SMURF1: variants seen among roughly 807,000 people sequenced by gnomAD.
The protein encoded by SMURF1 is E3 ubiquitin-protein ligase SMURF1.
In SMURF1, 44 loss-of-function variants were observed where a neutral mutation model predicts 98.0. That is an observed-to-expected ratio of 0.45 (90% CI 0.35 to 0.58). SMURF1 has a LOEUF of 0.58. SMURF1 is among the 20% of genes least tolerant of loss of function. The probability of loss-of-function intolerance (pLI) is 0.00; values close to 1 mark genes in which losing one functional copy is unlikely to be tolerated. For missense variants in SMURF1, 687 were observed against 938.4 expected (o/e 0.73, Z 3.50); for synonymous variants, 396 against 374.9 (o/e 1.06, Z -0.65).
rs957783879 is a variant in SMURF1, at chr7:99,030,039, A to G, written c.*545T>C. ...CAGAATTCCAATAAGCATACATTAT[A>G]TAGTTATTTTCCAGTTGGAAATTGA... On this transcript the variant is annotated 3_prime_UTR_variant, in exon 18 of 18. Coordinates refer to ENST00000361368, the MANE Select transcript of SMURF1 (RefSeq NM_181349.3). 6.5e-6 allele frequency: 1 copy of G among 153,416 alleles called. No individual in the cohort carries two copies. The highest frequency in any genetic ancestry group is 1.5e-5 in the Non-Finnish European group (1 of 68,794). The allele number at this position is 153,416 out of a possible 1,614,324, so 9.5% of individuals were successfully genotyped here. A position where few individuals can be genotyped will look rare whatever the true frequency, so the allele number is the denominator to read the frequency against.
At chr7:99,085,573 A>G (rs1402921710) in intron 1 of SMURF1, among the ~76,000 whole-genome samples, 2 of 152,192 alleles carry the variant, frequency 1.3e-5, no homozygotes, top group African/African-American at 2.4e-5. Flanking sequence ...CGCTGCATTT[A>G]TCATACTCAA....
intron 1 of SMURF1, among the ~76,000 whole-genome samples, chr7:99,133,627 C>G (rs1433516055): frequency 6.6e-6 from 1 of 152,132 alleles, no homozygotes; most frequent in Non-Finnish European, 1.5e-5. Flanking sequence ...GAACATATGC[C>G]TATTCCACAG....
rs193084065 is a variant in SMURF1, at chr7:99,053,487, A to G, written c.480-1041T>C. The stretch of plus-strand genomic sequence containing the variant: ...TTCAGATTTCTCCAATTGTCTCATA[A>G]ATCAGGATCCAAAGTCCACACCTTG... On this transcript the variant is annotated intron_variant, in intron 6 of 17. Coordinates refer to ENST00000361368, the MANE Select transcript of SMURF1 (RefSeq NM_181349.3). Among the ~76,000 whole-genome samples the G allele has an allele frequency of 1.3e-3, 193 of 152,302 alleles. 2 individuals are homozygous for G. The highest frequency in any genetic ancestry group is 4.4e-3 in the African/African-American group (183 of 41,570).
chr7:99,058,098 A>T (rs550407502), intron 3 of SMURF1, among the ~76,000 whole-genome samples: 12 of 152,260 alleles, frequency 7.9e-5, no homozygotes, highest in African/African-American at 2.9e-4. Flanking sequence ...TAATAATCTT[A>T]TAACAGACTT....
intron 1 of SMURF1, among the ~76,000 whole-genome samples, chr7:99,125,083 TCA>T: frequency 6.6e-6 from 1 of 152,002 alleles, no homozygotes; most frequent in South Asian, 2.1e-4. Flanking sequence ...ATTCATTCAT[TCA>T]TTCATTCATT....
chr7:99,063,280 T>G (rs1330030659), intron 1 of SMURF1, among the ~76,000 whole-genome samples: 2 of 16,310 alleles, frequency 1.2e-4, no homozygotes, highest in Non-Finnish European at 2.9e-4. Flanking sequence ...TATATATATA[T>G]ATATATATAT....
chr7:99,046,428 A>G (rs1795576696), intron 10 of SMURF1, among the ~76,000 whole-genome samples: 1 of 152,132 alleles, frequency 6.6e-6, no homozygotes, highest in Non-Finnish European at 1.5e-5. Flanking sequence ...ATTTAACGCA[A>G]TTCAAACTCC....
rs527649244 is a variant in SMURF1 at position 99,077,002 on chromosome 7, A to AC, written c.56-15166_56-15165insG. On this transcript the variant is annotated intron_variant, in intron 1 of 17. Coordinates refer to ENST00000361368, the MANE Select transcript of SMURF1 (RefSeq NM_181349.3). ...AAAATAATGTCTATAATAAAAAAAA[A>AC]AACAAAAAAGGTTACAGAACAGTGA... Among the ~76,000 whole-genome samples the AC allele has an allele frequency of 6.6e-3, 997 of 151,984 alleles. 9 individuals are homozygous for AC. The highest frequency in any genetic ancestry group is 0.023 in the African/African-American group (948 of 41,292).
At chr7:99,134,369 G>A (rs934159235) in intron 1 of SMURF1, among the ~76,000 whole-genome samples, 1 of 152,068 alleles carries the variant, frequency 6.6e-6, no homozygotes, top group African/African-American at 2.4e-5. Flanking sequence ...AGAACCCTTT[G>A]GAAACTATGA....
At chr7:99,130,731 G>A (rs1024114247) in intron 1 of SMURF1, among the ~76,000 whole-genome samples, 9 of 152,178 alleles carry the variant, frequency 5.9e-5, no homozygotes, top group South Asian at 2.1e-4. Context: ...GAAAACAATC[G>A]GTATCATCTA....
At chr7:99,054,274 T>C (rs1033387007) in intron 6 of SMURF1, among the ~76,000 whole-genome samples, 4 of 152,180 alleles carry the variant, frequency 2.6e-5, no homozygotes, top group African/African-American at 9.6e-5. Flanking sequence ...GGAGCCTCTT[T>C]CACTGGATTT....
intron 3 of SMURF1, among the ~76,000 whole-genome samples, chr7:99,059,417 TAAAATAAAATAAAATA>T (rs1795974785): frequency 1.6e-4 from 6 of 36,666 alleles, no homozygotes; most frequent in Admixed American, 5.1e-4. Context: ...TAAAATAAAA[TAAAATAAAATAAAATA>T]AAATAAAATA....
intron 17 of SMURF1, among the ~76,000 whole-genome samples, chr7:99,032,214 T>C (rs1785718904): frequency 6.6e-6 from 1 of 152,178 alleles, no homozygotes; most frequent in African/African-American, 2.4e-5. Context: ...CAATATTAAT[T>C]AATTACATGG....
At chr7:99,056,742 C>T (rs1440221656) in intron 5 of SMURF1, among the ~76,000 whole-genome samples, 1 of 152,178 alleles carries the variant, frequency 6.6e-6, no homozygotes, top group East Asian at 1.9e-4. Flanking sequence ...GTGGCTCACG[C>T]CTGTAAGCCC....
rs13438178 is a variant in SMURF1, at chr7:99,036,925, G to A, written c.1809+142C>T. On this transcript the variant is annotated intron_variant, in intron 15 of 17. Coordinates refer to ENST00000361368, the MANE Select transcript of SMURF1 (RefSeq NM_181349.3). ...CCCTCTACTCCCCACTCTTGCTCCA[G>A]CCCTGGCTCTAGTCTGGGAACCCCA... 38 of 1,246,430 alleles carry A rather than the reference G, an allele frequency of 3.0e-5. No homozygotes were observed. In the African/African-American group the frequency reaches 5.2e-4, roughly 17 times the overall value. The allele number at this position is 1,246,430 out of a possible 1,614,324, so 77.2% of individuals were successfully genotyped here. A position where few individuals can be genotyped will look rare whatever the true frequency, so the allele number is the denominator to read the frequency against.
intron 1 of SMURF1, among the ~76,000 whole-genome samples, chr7:99,093,739 C>T (rs764402942): frequency 6.6e-6 from 1 of 151,976 alleles, no homozygotes; most frequent in Non-Finnish European, 1.5e-5. Context: ...AAGTATGGCA[C>T]TCTATATATG....
intron 1 of SMURF1, among the ~76,000 whole-genome samples, chr7:99,088,273 T>A (rs1796728356): frequency 6.7e-6 from 1 of 149,408 alleles, no homozygotes; most frequent in African/African-American, 2.5e-5. Context: ...AAAAAAAAAA[T>A]TAAAAAGAGT....
intron 15 of SMURF1, among the ~76,000 whole-genome samples, 191 bp downstream of exon 15, chr7:99,036,876 G>A (rs1407913826): frequency 6.6e-6 from 1 of 152,108 alleles, no homozygotes; most frequent in African/African-American, 2.4e-5. Context: ...CAGACATCTC[G>A]CCGGTTACTA....
At chr7:99,038,624 C>T (rs978419039) in intron 13 of SMURF1, 99 bp from the exon 14 acceptor site, 1 of 1,421,368 alleles carries the variant, frequency 7.0e-7, no homozygotes, top group Non-Finnish European at 9.6e-7. Flanking sequence ...CCCGGGGCTG[C>T]AAGACAGGAC....
Sources: gnomAD v4.1 joint callset for allele counts (sites outside exome capture counted in the v4.1 genomes callset) on GRCh38, gnomAD v4.1.1 for gene constraint, MANE v1.5 for transcripts, NCBI Gene and HGNC (gene_info 2026-07-23, HGNC 2026-07-21) for gene names.